Variants in CREB5 observed in about 807,000 individuals in gnomAD.
The protein encoded by CREB5 is cAMP responsive element binding protein 5, also known as cyclic AMP-responsive element-binding protein 5.
A neutral mutation model predicts 57.1 loss-of-function variants in CREB5; 19 were observed. The ratio of observed to expected loss-of-function variants is 0.33; its 90% confidence interval spans 0.23 to 0.49. The LOEUF is 0.49. Among genes scored for constraint, CREB5 ranks in the 20% least tolerant of loss-of-function variants. CREB5 has a pLI of 0.99. For synonymous variants in CREB5, 238 were observed against 238.3 expected (o/e 1.00, Z 0.01); for missense variants, 579 against 671.6 (o/e 0.86, Z 1.52).
chr7:28,354,210 G>T (rs778879334), intron 1 of CREB5, among the ~76,000 whole-genome samples: 9 of 152,190 alleles, frequency 5.9e-5, no homozygotes, highest in Non-Finnish European at 1.2e-4. Context: ...AGGATGCAAA[G>T]TATTGATCCT....
intron 5 of CREB5, among the ~76,000 whole-genome samples, chr7:28,701,280 C>G (rs1204749522): frequency 6.6e-6 from 1 of 152,128 alleles, no homozygotes; most frequent in Non-Finnish European, 1.5e-5. Flanking sequence ...CTTCTCTGCA[C>G]CCTGAACCAG....
intron 1 of CREB5, among the ~76,000 whole-genome samples, chr7:28,331,575 C>T (rs1326261265): frequency 6.6e-6 from 1 of 152,090 alleles, no homozygotes; most frequent in Non-Finnish European, 1.5e-5. Context: ...TCTTTTACTC[C>T]TACACTTTGC....
intron 1 of CREB5, among the ~76,000 whole-genome samples, chr7:28,439,007 C>A (rs534924572): frequency 1.2e-3 from 184 of 152,218 alleles, no homozygotes; most frequent in African/African-American, 4.2e-3. Flanking sequence ...CCTTGGTGAA[C>A]AACCAAAATT....
chr7:28,583,307 CG>C (rs1306278487), intron 5 of CREB5, among the ~76,000 whole-genome samples: 1 of 152,096 alleles, frequency 6.6e-6, no homozygotes, highest in Non-Finnish European at 1.5e-5. Context: ...GATCAATTTC[CG>C]GGAGAACCAG....
chr7:28,300,670 T>G (rs1785085352), intron 1 of CREB5, among the ~76,000 whole-genome samples: 1 of 152,214 alleles, frequency 6.6e-6, no homozygotes, highest in Admixed American at 6.5e-5. Flanking sequence ...TGGTTGAGCA[T>G]TAGTGTGTGT....
intron 10 of CREB5, 36 bp downstream of exon 10, chr7:28,818,215 C>T: frequency 6.7e-7 from 1 of 1,487,736 alleles, no homozygotes; most frequent in Non-Finnish European, 9.3e-7. Context: ...CTTTAGTGTC[C>T]AATATTTTTT....
At chr7:28,715,318 T>C (rs1431877283) in intron 5 of CREB5, among the ~76,000 whole-genome samples, 1 of 152,236 alleles carries the variant, frequency 6.6e-6, no homozygotes, top group Non-Finnish European at 1.5e-5. Context: ...AAAATTTAAA[T>C]GTCTCTGAAT....
intron 1 of CREB5, among the ~76,000 whole-genome samples, chr7:28,342,253 T>G (rs1785951284): frequency 6.6e-6 from 1 of 152,198 alleles, no homozygotes; most frequent in Non-Finnish European, 1.5e-5. Flanking sequence ...ATTTGGTGCC[T>G]AGATGTGGCT....
rs1416928673 is a variant in CREB5 at position 28,425,658 on chromosome 7, ATTCAG to A, written c.3+12744_3+12748del. On this transcript the variant is annotated intron_variant, in intron 1 of 10. Coordinates refer to ENST00000357727, the MANE Select transcript of CREB5 (RefSeq NM_182898.4). ...CATGGAAGAAAACATGGGCTGCTAA[ATTCAG>A]TTAGAATACATGCCAAATAGGGCAT... 3.3e-5 allele frequency among the ~76,000 whole-genome samples: 5 copies of A among 152,340 alleles called. No individual in the cohort carries two copies. In the East Asian group the frequency reaches 9.7e-4, roughly 29 times the overall value.
Position 28,557,257 on chromosome 7 carries a change from T to A in CREB5, c.292-13108T>A, listed in dbSNP as rs538889295. On this transcript the variant is annotated intron_variant, in intron 4 of 10. Transcript: ENST00000357727. The stretch of plus-strand genomic sequence containing the variant: ...CACCTTCTTTCTGTTTGAGTGCAAT[T>A]TTAACAATACTGAGAAACAGTGGAA... 8.9e-4 allele frequency among the ~76,000 whole-genome samples: 135 copies of A among 152,292 alleles called. 5 individuals are homozygous for A. Among genetic ancestry groups the A allele is most frequent in the Non-Finnish European group, 1.7e-3 (117 of 67,996 alleles).
Position 28,804,398 on chromosome 7 carries a change from C to A in CREB5, c.902C>A (p.Pro301His), listed in dbSNP as rs776688895. The change falls in exon 8 of 11, where the codon CCT becomes CAT. Residue 301 changes from proline to histidine, a missense_variant. By Grantham distance (77) the Pro-to-His change is moderately conservative (BLOSUM62 -2). Coordinates refer to ENST00000357727, the MANE Select transcript of CREB5 (RefSeq NM_182898.4). ...CAGCACCAGCACCCAGCACACCATC[C>A]TCACCCTCAACCCCATCACCAGCAG... Reference protein sequence around the residue: ...PHQHQHPAHHPHPQPHHQQNH... With the variant: ...PHQHQHPAHHHHPQPHHQQNH... The A allele has an allele frequency of 6.2e-7, 1 of 1,613,886 alleles. No homozygotes were observed. Among genetic ancestry groups the A allele is most frequent in the African/African-American group, 1.3e-5 (1 of 74,974 alleles).
intron 1 of CREB5, among the ~76,000 whole-genome samples, chr7:28,452,577 G>T (rs1043894652): frequency 8.5e-5 from 13 of 152,176 alleles, no homozygotes; most frequent in African/African-American, 2.7e-4. Context: ...GGATGAGGAA[G>T]GATCCAGGCA....
intron 9 of CREB5, among the ~76,000 whole-genome samples, chr7:28,809,685 A>G (rs1379850008): frequency 2.0e-5 from 3 of 152,246 alleles, no homozygotes; most frequent in African/African-American, 7.2e-5. Context: ...CTTTAATCCG[A>G]CAGAGATCCA....
intron 5 of CREB5, among the ~76,000 whole-genome samples, chr7:28,632,613 C>G (rs550994655): frequency 2.0e-5 from 3 of 152,258 alleles, no homozygotes; most frequent in African/African-American, 7.2e-5. Flanking sequence ...CAGGAAGGAC[C>G]TATTGTCCTG....
intron 7 of CREB5, among the ~76,000 whole-genome samples, chr7:28,745,003 AG>A (rs1188402355): frequency 1.3e-5 from 2 of 152,230 alleles, no homozygotes; most frequent in African/African-American, 4.8e-5. Flanking sequence ...AGAGGTGCCC[AG>A]GGTACAAATA....
chr7:28,718,445 C>A (rs1802823790), intron 5 of CREB5, among the ~76,000 whole-genome samples: 1 of 152,200 alleles, frequency 6.6e-6, no homozygotes, highest in African/African-American at 2.4e-5. Flanking sequence ...AAGGATTTCA[C>A]CACCAAGTTC....
chr7:28,616,395 G>A (rs1797597429), intron 5 of CREB5, among the ~76,000 whole-genome samples: 1 of 151,932 alleles, frequency 6.6e-6, no homozygotes, highest in African/African-American at 2.4e-5. Context: ...TCAACTCTTT[G>A]GTTACCCTGA....
chr7:28,489,003 G>A (rs1791686494), intron 2 of CREB5, among the ~76,000 whole-genome samples: 1 of 152,148 alleles, frequency 6.6e-6, no homozygotes, highest in African/African-American at 2.4e-5. Context: ...TCAGAGTTTT[G>A]CACTTTACCT....
intron 1 of CREB5, among the ~76,000 whole-genome samples, chr7:28,434,634 A>G (rs1158014154): frequency 6.6e-6 from 1 of 152,232 alleles, no homozygotes; most frequent in Non-Finnish European, 1.5e-5. Flanking sequence ...TTTAAACCAC[A>G]TTAACTACTT....
Sources: gnomAD v4.1 joint callset for allele counts (sites outside exome capture counted in the v4.1 genomes callset) on GRCh38, gnomAD v4.1.1 for gene constraint, MANE v1.5 for transcripts, NCBI Gene and HGNC (gene_info 2026-07-23, HGNC 2026-07-21) for gene names.